Variants in ZNF804B observed in about 807,000 individuals in gnomAD.
ZNF804B encodes the protein zinc finger 804B.
In ZNF804B, 80 loss-of-function variants were observed where a neutral mutation model predicts 101.4. The ratio of observed to expected loss-of-function variants is 0.79; its 90% CI spans 0.66 to 0.95. The LOEUF (loss-of-function observed/expected upper bound fraction) is 0.95. Ranked by LOEUF, ZNF804B falls within the 40% of genes least tolerant of loss-of-function variation. The pLI, the probability that ZNF804B is intolerant of heterozygous loss-of-function variation, is 0.00. For synonymous variants in ZNF804B, 622 were observed against 558.8 expected (o/e 1.11, Z -1.59); for missense variants, 1,673 against 1,561.9 (o/e 1.07, Z -1.20).
At chr7:88,844,065 A>G (rs1228475659) in intron 1 of ZNF804B, among the ~76,000 whole-genome samples, 4 of 152,186 alleles carry the variant, frequency 2.6e-5, no homozygotes, top group African/African-American at 4.8e-5. Context: ...TAGAGTTAAC[A>G]AATGTTAATA....
intron 1 of ZNF804B, among the ~76,000 whole-genome samples, chr7:88,913,914 G>A (rs1022569268): frequency 1.3e-5 from 2 of 152,202 alleles, no homozygotes; most frequent in Admixed American, 1.3e-4. Flanking sequence ...TATAAGTATT[G>A]CTAAAGTGGC....
chr7:89,306,453 A>T (rs1790562947), intron 2 of ZNF804B, among the ~76,000 whole-genome samples: 1 of 151,618 alleles, frequency 6.6e-6, no homozygotes, highest in Non-Finnish European at 1.5e-5. Context: ...TGAATTTTCA[A>T]TTTTAGTTGC....
chr7:89,099,488 G>T (rs1273369056), intron 1 of ZNF804B, among the ~76,000 whole-genome samples: 1 of 152,172 alleles, frequency 6.6e-6, no homozygotes, highest in Non-Finnish European at 1.5e-5. Flanking sequence ...CTGGGAAAAG[G>T]TCCAGTTCAG....
At chr7:89,036,920 A>T (rs1788938547) in intron 1 of ZNF804B, among the ~76,000 whole-genome samples, 1 of 152,148 alleles carries the variant, frequency 6.6e-6, no homozygotes, top group Non-Finnish European at 1.5e-5. Flanking sequence ...TTCTGTTGTG[A>T]AGATGTGGAA....
chr7:89,155,425 A>G (rs1424346951), intron 1 of ZNF804B, among the ~76,000 whole-genome samples: 1 of 152,138 alleles, frequency 6.6e-6, no homozygotes, highest in Non-Finnish European at 1.5e-5. Flanking sequence ...TCTTCGCTCA[A>G]CATCTTACCA....
Position 88,775,574 on chromosome 7 carries a change from A to T in ZNF804B, c.108+15490A>T, listed in dbSNP as rs150081756. Among the ~76,000 whole-genome samples the T allele has an allele frequency of 1.8e-4, 27 of 152,360 alleles. 1 individual carries two copies. The East Asian group carries it at 5.2e-3, about 29-fold the overall frequency. ...TGTTGTTGTTTTTATTATTTGGAAC[A>T]AAAATCAGAAATAATTTATAAACAA... On this transcript the variant is annotated intron_variant, in intron 1 of 3. Coordinates refer to ENST00000333190, the MANE Select transcript of ZNF804B (RefSeq NM_181646.5).
At chr7:88,949,400 A>G (rs2116064211) in intron 1 of ZNF804B, among the ~76,000 whole-genome samples, 3 of 152,030 alleles carry the variant, frequency 2.0e-5, no homozygotes, top group Admixed American at 2.0e-4. Flanking sequence ...CCCCTGGGAG[A>G]CAAAGCTGTC....
chr7:89,140,625 G>T (rs931884978), intron 1 of ZNF804B, among the ~76,000 whole-genome samples: 1 of 152,010 alleles, frequency 6.6e-6, no homozygotes, highest in Non-Finnish European at 1.5e-5. Flanking sequence ...TCTGCTAGCT[G>T]CTGACTTTTC....
chr7:88,910,812 A>G (rs552431276), intron 1 of ZNF804B, among the ~76,000 whole-genome samples: 99 of 152,074 alleles, frequency 6.5e-4, no homozygotes, highest in African/African-American at 2.2e-3. Context: ...AATGAGAGCC[A>G]TGTCTCTACA....
chr7:88,854,418 T>TCTTTCTTTCTTC lies in ZNF804B; in HGVS notation c.108+94345_108+94346insCCTTTCTTTCTT, dbSNP rs1554340159. 3.2e-3 allele frequency among the ~76,000 whole-genome samples: 271 copies of TCTTTCTTTCTTC among 85,138 alleles called. 3 individuals are homozygous for TCTTTCTTTCTTC. Among genetic ancestry groups the TCTTTCTTTCTTC allele is most frequent in the African/African-American group, 7.9e-3 (180 of 22,866 alleles). The allele number at this position is 85,138 out of a possible 152,430, so 55.9% of individuals were successfully genotyped here. Reference sequence around the variant, plus strand: ...TTCTTTCTTTCTTTCTTTCTTCCTTTCTTTCTTTCTTTCTTTCTTTCTTTC... The same window carrying TCTTTCTTTCTTC: ...TTCTTTCTTTCTTTCTTTCTTCCTTTCTTTCTTTCTTCCTTTCTTTCTTTCTTTCTTTCTTTC... On this transcript the variant is annotated intron_variant, in intron 1 of 3. Transcript: ENST00000333190.
chr7:89,198,117 A>G (rs999163295), intron 1 of ZNF804B, among the ~76,000 whole-genome samples: 1 of 151,862 alleles, frequency 6.6e-6, no homozygotes, highest in African/African-American at 2.4e-5. Flanking sequence ...ATCTTTGCAA[A>G]TACATATTTT....
chr7:88,867,387 AG>A lies in ZNF804B; in HGVS notation c.108+107304del, dbSNP rs112851911. Among the ~76,000 whole-genome samples the A allele has an allele frequency of 1.9e-4, 29 of 152,354 alleles. 2 individuals are homozygous for A. The highest frequency in any genetic ancestry group is 7.0e-4 in the African/African-American group (29 of 41,596). On this transcript the variant is annotated intron_variant, in intron 1 of 3. Transcript: ENST00000333190. ...TGTGGATGAAAGCCACAGAGTCCAA[AG>A]ACCAGAGAACCTGGAGTTTTAATAT...
chr7:88,991,907 G>C (rs1359243152), intron 1 of ZNF804B, among the ~76,000 whole-genome samples: 2 of 152,078 alleles, frequency 1.3e-5, no homozygotes, highest in East Asian at 3.9e-4. Context: ...AGAATCTCTT[G>C]AGATAATTTT....
At chr7:89,135,762 C>A (rs1038568595) in intron 1 of ZNF804B, among the ~76,000 whole-genome samples, 3 of 152,024 alleles carry the variant, frequency 2.0e-5, no homozygotes, top group African/African-American at 7.2e-5. Flanking sequence ...TTACATATCT[C>A]TTGTCTACTT....
At chr7:88,869,919 G>A (rs1342541744) in intron 1 of ZNF804B, among the ~76,000 whole-genome samples, 1 of 152,180 alleles carries the variant, frequency 6.6e-6, no homozygotes, top group African/African-American at 2.4e-5. Flanking sequence ...GAGGTCAGCT[G>A]CAGATAAATT....
intron 1 of ZNF804B, among the ~76,000 whole-genome samples, chr7:89,209,283 C>CTTTTATTT (rs1205317859): frequency 6.6e-6 from 1 of 151,602 alleles, no homozygotes; most frequent in South Asian, 2.1e-4. Context: ...TTAATGTGGG[C>CTTTTATTT]ATCTTTGATG....
intron 1 of ZNF804B, among the ~76,000 whole-genome samples, chr7:88,769,506 T>A (rs1445734922): frequency 6.6e-6 from 1 of 152,230 alleles, no homozygotes; most frequent in Non-Finnish European, 1.5e-5. Flanking sequence ...CTGGTATATA[T>A]AAATTGGTGT....
At position 89,291,122 on chromosome 7, in the gene ZNF804B, A is replaced by G. The variant is rs946200693; in HGVS notation, c.250-36222A>G. Among the ~76,000 whole-genome samples, 35 of 152,292 alleles carry G rather than the reference A, an allele frequency of 2.3e-4. No homozygotes were observed. In the Middle Eastern group the frequency reaches 0.01, roughly 44 times the overall value. ...AGATACAGCTTAGATCACAACACCC[A>G]AGTCCTGTCAAATACCTGAAAAATC... is the stretch of plus-strand genomic sequence containing the variant. On this transcript the variant is annotated intron_variant, in intron 2 of 3. Coordinates refer to ENST00000333190, the MANE Select transcript of ZNF804B (RefSeq NM_181646.5).
chr7:88,832,691 C>G (rs1426018117), intron 1 of ZNF804B, among the ~76,000 whole-genome samples: 1 of 151,642 alleles, frequency 6.6e-6, no homozygotes, highest in Non-Finnish European at 1.5e-5. Context: ...ATTGTTTGGC[C>G]GAAGATGTGT....
Sources: gnomAD v4.1 joint callset for allele counts (sites outside exome capture counted in the v4.1 genomes callset) on GRCh38, gnomAD v4.1.1 for gene constraint, MANE v1.5 for transcripts, NCBI Gene and HGNC (gene_info 2026-07-23, HGNC 2026-07-21) for gene names.